ABCC8: variants seen among roughly 807,000 people sequenced by gnomAD.
ABCC8 encodes the protein ATP binding cassette subfamily C member 8, also known as ATP-binding cassette sub-family C member 8.
Under a neutral mutation model 188.0 loss-of-function variants are expected in ABCC8, and 137 were observed. The ratio of observed to expected loss-of-function variants is 0.73; its 90% CI spans 0.63 to 0.84. The LOEUF (loss-of-function observed/expected upper bound fraction) is 0.84. Among genes scored for constraint, ABCC8 ranks in the 40% least tolerant of loss-of-function variants. The pLI is 0.00. For synonymous variants in ABCC8, 797 were observed against 846.5 expected, an observed-to-expected ratio of 0.94 and a Z score of 1.01; for missense variants, 1,750 against 2,072.7, an observed-to-expected ratio of 0.84 and a Z score of 3.02.
intron 5 of ABCC8, chr11:17,460,963 T>C (rs1957167469): frequency 3.9e-6 from 2 of 518,016 alleles, no homozygotes; most frequent in Admixed American, 3.3e-5. Flanking sequence ...AATGAGGAGG[T>C]GGCCATGTGC....
At chr11:17,409,027 C>T (rs1375014663) in intron 22 of ABCC8, among the ~76,000 whole-genome samples, 1 of 149,704 alleles carries the variant, frequency 6.7e-6, no homozygotes, top group Non-Finnish European at 1.5e-5. Flanking sequence ...CATCTCAGCT[C>T]ACTGCAATCT....
chr11:17,412,776 C>A (rs778659233), intron 20 of ABCC8, 30 bp from the exon 21 acceptor site: 3 of 1,591,428 alleles, frequency 1.9e-6, no homozygotes, highest in Non-Finnish European at 2.6e-6. Context: ...ACACATCATG[C>A]CCTCAGCCAT....
Position 17,470,233 on chromosome 11 carries a change from A to G in ABCC8, c.291-11T>C. On this transcript the variant is annotated splice_polypyrimidine_tract_variant and intron_variant, in intron 2 of 38. Coordinates refer to ENST00000389817, the MANE Select transcript of ABCC8 (RefSeq NM_000352.6). ...TGGGATTCGGTCACCCTGAGATGGG[A>G]GAGAGAAACAGACAGGATGGGGACA... 1 of 1,614,052 alleles carries G rather than the reference A, an allele frequency of 6.2e-7. No homozygotes were observed.
intron 29 of ABCC8, among the ~76,000 whole-genome samples, chr11:17,401,752 T>C (rs1466035764): frequency 6.6e-6 from 1 of 152,162 alleles, no homozygotes; most frequent in Non-Finnish European, 1.5e-5. Flanking sequence ...GACAGACTCT[T>C]GGGGAGTGGG....
At chr11:17,408,575 A>C (rs550146680) in intron 22 of ABCC8, 58 bp from the exon 23 acceptor site, 1 of 1,581,174 alleles carries the variant, frequency 6.3e-7, no homozygotes, top group African/African-American at 1.3e-5. Context: ...TGGTGGTCAC[A>C]TCCCTCAATT....
intron 16 of ABCC8, among the ~76,000 whole-genome samples, chr11:17,423,765 G>C (rs1413461699): frequency 2.0e-5 from 3 of 152,222 alleles, no homozygotes; most frequent in Non-Finnish European, 4.4e-5. Context: ...GTGTGTGTGA[G>C]TCATGGCCAC....
In ABCC8 at chr11:17,428,555, G is replaced by A. The variant is rs775087598; in HGVS notation, c.1923+10C>T. On this transcript the variant is annotated intron_variant, in intron 13 of 38. Transcript: ENST00000389817. ...ATGCTGGGAGTAGCAAGGGGAGGCC[G>A]GGCACTCACCACCGCCTGGTACTTG... 16 of 1,613,776 alleles carry A rather than the reference G, an allele frequency of 9.9e-6. 1 individual carries two copies. The highest frequency in any genetic ancestry group is 6.6e-5 in the South Asian group (6 of 91,074).
At chr11:17,460,759 C>T in intron 5 of ABCC8, 83 bp from the exon 6 acceptor site, 1 of 1,583,122 alleles carries the variant, frequency 6.3e-7, no homozygotes. Context: ...GCCCCTAGCT[C>T]CTGTTGTCTG....
intron 16 of ABCC8, among the ~76,000 whole-genome samples, chr11:17,422,602 A>G (rs1335155551): frequency 2.6e-5 from 4 of 152,148 alleles, no homozygotes. Context: ...AATACTTGGA[A>G]TGAGTGAATA....
intron 27 of ABCC8, 32 bp downstream of exon 27, chr11:17,405,462 A>G: frequency 6.2e-7 from 1 of 1,613,990 alleles, no homozygotes; most frequent in Non-Finnish European, 8.5e-7. Flanking sequence ...GTGTCTCTGG[A>G]AGGGGGGATA....
chr11:17,437,583 A>G (rs1181336169), intron 10 of ABCC8, among the ~76,000 whole-genome samples: 1 of 152,220 alleles, frequency 6.6e-6, no homozygotes, highest in Non-Finnish European at 1.5e-5. Flanking sequence ...TCAGTCCAAT[A>G]GTCAGTGCAG....
At chr11:17,393,324 C>T in intron 38 of ABCC8, 196 bp from the exon 39 acceptor site, 1 of 769,372 alleles carries the variant, frequency 1.3e-6, no homozygotes. Flanking sequence ...CCACCCTTCT[C>T]TCCTCTCCAA....
Position 17,461,729 on chromosome 11 carries a change from ACAG to A in ABCC8, c.673_675del (p.Leu225del), listed in dbSNP as rs1367973381. 6.2e-7 allele frequency: 1 copy of A among 1,614,152 alleles called. No homozygotes were observed. The highest frequency in any genetic ancestry group is 1.7e-5 in the Admixed American group (1 of 60,024). On this transcript the variant is annotated inframe_deletion, in exon 5 of 39. Transcript: ENST00000389817. ...TTCATCCACCAGTAGGTGCCTTTGGACAGCAGATTCACGAAGGGCTGCAGGAAG... is the reference window on the plus strand; with the variant it reads ...TTCATCCACCAGTAGGTGCCTTTGGACAGATTCACGAAGGGCTGCAGGAAG...
chr11:17,435,912 C>T (rs1287127126), intron 10 of ABCC8: 1 of 1,412,512 alleles, frequency 7.1e-7, no homozygotes, highest in Non-Finnish European at 1.0e-6. Flanking sequence ...CAGGGAGTAA[C>T]AGGGCCAACA....
At chr11:17,466,020 A>G (rs1051015572) in intron 3 of ABCC8, among the ~76,000 whole-genome samples, 1 of 152,232 alleles carries the variant, frequency 6.6e-6, no homozygotes, top group Admixed American at 6.5e-5. Context: ...GTAGAATATT[A>G]GCCTTAAAAA....
intron 7 of ABCC8, among the ~76,000 whole-genome samples, chr11:17,451,244 A>T (rs552198643): frequency 5.3e-5 from 8 of 152,298 alleles, no homozygotes; most frequent in South Asian, 2.1e-4. Context: ...CTGTCACTGG[A>T]GGGGTGTGAG....
chr11:17,397,619 T>C, intron 31 of ABCC8, 65 bp downstream of exon 31: 1 of 1,559,992 alleles, frequency 6.4e-7, no homozygotes, highest in East Asian at 2.3e-5. Flanking sequence ...ATGTCTCCAG[T>C]GACGAAGGTG....
chr11:17,440,042 G>A (rs745592916), intron 10 of ABCC8, among the ~76,000 whole-genome samples: 2 of 152,172 alleles, frequency 1.3e-5, no homozygotes, highest in Non-Finnish European at 2.9e-5. Context: ...CAGGAGATGA[G>A]TACATATCTC....
rs779496995 is a variant in ABCC8 at position 17,394,412 on chromosome 11, CG to C, written c.4412-14del. 2.5e-5 allele frequency: 40 copies of C among 1,613,992 alleles called. No homozygotes were observed. Among genetic ancestry groups the C allele is most frequent in the Middle Eastern group, 1.6e-4 (1 of 6,084 alleles). ...GTGATGATGGCATCTGAAAACAGCC[CG>C]GGGAGATGAAGTAGGACTGAGTTAA... On this transcript the variant is annotated splice_polypyrimidine_tract_variant and intron_variant, in intron 36 of 38. Transcript: ENST00000389817.
Sources: gnomAD v4.1 joint callset for allele counts (sites outside exome capture counted in the v4.1 genomes callset) on GRCh38, gnomAD v4.1.1 for gene constraint, MANE v1.5 for transcripts, NCBI Gene and HGNC (gene_info 2026-07-23, HGNC 2026-07-21) for gene names.